Variants in FUT8 observed in about 807,000 individuals in gnomAD.
The protein encoded by FUT8 is fucosyltransferase 8, also known as alpha-(1,6)-fucosyltransferase.
A neutral mutation model predicts 71.3 loss-of-function variants in FUT8; 29 were observed. The observed-to-expected ratio is 0.41, with a 90% CI of 0.30 to 0.55. FUT8 has a LOEUF of 0.55. Among genes scored for constraint, FUT8 ranks in the 20% least tolerant of loss-of-function variants. The pLI is 0.34. For synonymous variants in FUT8, 254 were observed against 239.3 expected (o/e 1.06, Z -0.57); for missense variants, 544 against 702.1 (o/e 0.77, Z 2.55).
chr14:65,594,889 T>C (rs1281986758), intron 3 of FUT8, among the ~76,000 whole-genome samples: 1 of 152,084 alleles, frequency 6.6e-6, no homozygotes, highest in Non-Finnish European at 1.5e-5. Context: ...GAATGGGGGT[T>C]GGGACGGGCC....
chr14:65,385,709 T>G, the FUT8 span, among the ~76,000 whole-genome samples: 1 of 152,172 alleles, frequency 6.6e-6, no homozygotes, highest in Non-Finnish European at 1.5e-5. Context: ...ATTGTATTTT[T>G]CTTTGTCTTT....
At chr14:65,508,357 A>G (rs1019732209) in intron 2 of FUT8, among the ~76,000 whole-genome samples, 3 of 151,502 alleles carry the variant, frequency 2.0e-5, no homozygotes, top group African/African-American at 7.3e-5. Flanking sequence ...GGCGTGAGCC[A>G]CTGTGCCCGG....
At chr14:65,618,014 T>TAG (rs1193485628) in intron 5 of FUT8, among the ~76,000 whole-genome samples, 1 of 28,040 alleles carries the variant, frequency 3.6e-5, no homozygotes, top group Non-Finnish European at 5.8e-5. Flanking sequence ...TTAATTCATA[T>TAG]ATATATATAT....
At chr14:65,534,154 C>T (rs191364306) in intron 2 of FUT8, among the ~76,000 whole-genome samples, 1 of 151,956 alleles carries the variant, frequency 6.6e-6, no homozygotes, top group Admixed American at 6.6e-5. Flanking sequence ...GCCAGGGTCT[C>T]ACTTTGTCAC....
At chr14:65,387,189 CTTAAAT>C in the FUT8 span, among the ~76,000 whole-genome samples, 1 of 152,056 alleles carries the variant, frequency 6.6e-6, no homozygotes, top group Non-Finnish European at 1.5e-5. Context: ...TATTTTGACA[CTTAAAT>C]TTAAGTGACT....
At chr14:65,500,912 A>G (rs74056800) in intron 2 of FUT8, among the ~76,000 whole-genome samples, 2,380 of 152,256 alleles carry the variant, frequency 0.016, 52 homozygotes, top group East Asian at 0.093. Context: ...ATTTGTTTCA[A>G]TATATTCCTT....
rs144610276 is a variant in FUT8, at chr14:65,578,188, C to G, written c.203+16422C>G. On this transcript the variant is annotated intron_variant, in intron 3 of 10. Coordinates refer to ENST00000673929, the MANE Select transcript of FUT8 (RefSeq NM_001371533.1). The stretch of plus-strand genomic sequence containing the variant: ...GAGCTGAGGGACTTGATTAAACATT[C>G]TTTATATTTTATTCTTTTACCCGAC... Among the ~76,000 whole-genome samples the G allele has an allele frequency of 2.3e-3, 344 of 151,992 alleles. 2 individuals carry two copies. Among genetic ancestry groups the G allele is most frequent in the Non-Finnish European group, 2.8e-3 (193 of 67,934 alleles).
At chr14:65,570,806 C>T (rs951209118) in intron 3 of FUT8, among the ~76,000 whole-genome samples, 3 of 152,218 alleles carry the variant, frequency 2.0e-5, no homozygotes, top group East Asian at 1.9e-4. Flanking sequence ...TCCTAGTGGA[C>T]GAACTGTAAC....
At chr14:65,558,054 G>T (rs546309656) in intron 2 of FUT8, among the ~76,000 whole-genome samples, 1 of 151,794 alleles carries the variant, frequency 6.6e-6, no homozygotes, top group Non-Finnish European at 1.5e-5. Context: ...CTCTTGGCTG[G>T]GTGTGGTGGC....
intron 1 of FUT8, among the ~76,000 whole-genome samples, chr14:65,434,023 T>C (rs1314258841): frequency 6.6e-6 from 1 of 152,218 alleles, no homozygotes; most frequent in African/African-American, 2.4e-5. Context: ...AATATCTTGA[T>C]ATTAGTAGCC....
chr14:65,460,348 A>G (rs1474985679), intron 2 of FUT8, among the ~76,000 whole-genome samples: 1 of 152,248 alleles, frequency 6.6e-6, no homozygotes, highest in East Asian at 1.9e-4. Flanking sequence ...TTTGCTGTCC[A>G]GGATAATTAA....
intron 2 of FUT8, among the ~76,000 whole-genome samples, chr14:65,543,523 G>T (rs1375373089): frequency 6.6e-6 from 1 of 152,062 alleles, no homozygotes; most frequent in African/African-American, 2.4e-5. Context: ...GAGAATAATG[G>T]AAGAGGGTGA....
intron 3 of FUT8, among the ~76,000 whole-genome samples, chr14:65,595,078 T>G (rs758625537): frequency 1.6e-4 from 25 of 152,160 alleles, no homozygotes; most frequent in Non-Finnish European, 3.5e-4. Flanking sequence ...CTAGAGTGTC[T>G]CTGCCTCCTC....
chr14:65,494,239 T>A (rs1043748403), intron 2 of FUT8, among the ~76,000 whole-genome samples: 1 of 152,174 alleles, frequency 6.6e-6, no homozygotes, highest in South Asian at 2.1e-4. Context: ...TTTCAACAAC[T>A]AATCAATATA....
intron 2 of FUT8, among the ~76,000 whole-genome samples, chr14:65,499,358 TG>T (rs1487716174): frequency 6.6e-6 from 1 of 152,196 alleles, no homozygotes; most frequent in Non-Finnish European, 1.5e-5. Context: ...AATTATTTTG[TG>T]GTTAAGTAGA....
intron 6 of FUT8, among the ~76,000 whole-genome samples, chr14:65,650,865 G>A (rs943312017): frequency 2.6e-5 from 4 of 152,106 alleles, no homozygotes; most frequent in Non-Finnish European, 4.4e-5. Flanking sequence ...GGAAAAAAAA[G>A]CCCCATTTTA....
chr14:65,544,616 G>A (rs1884878063), intron 2 of FUT8, among the ~76,000 whole-genome samples: 1 of 152,092 alleles, frequency 6.6e-6, no homozygotes. Context: ...AGTAAACACA[G>A]CCTGGTGTGT....
the FUT8 span, among the ~76,000 whole-genome samples, chr14:65,393,667 T>C: frequency 6.6e-6 from 1 of 152,188 alleles, no homozygotes; most frequent in Non-Finnish European, 1.5e-5. Context: ...TGGCATCTCT[T>C]TATAGTGGGA....
rs1314840902 is a variant in FUT8, at chr14:65,625,926, G to A, written c.483-3566G>A. Among the ~76,000 whole-genome samples the A allele has an allele frequency of 2.0e-5, 3 of 152,190 alleles. No individual in the cohort carries two copies. In the South Asian group the frequency reaches 6.2e-4, roughly 32 times the overall value. ...CATTGCATTTTTGCTAAATAATTTA[G>A]CATCTAGTTAAGAATCAGGAATAAA... On this transcript the variant is annotated intron_variant, in intron 5 of 10. Transcript: ENST00000673929.
Sources: gnomAD v4.1 joint callset for allele counts (sites outside exome capture counted in the v4.1 genomes callset) on GRCh38, gnomAD v4.1.1 for gene constraint, MANE v1.5 for transcripts, NCBI Gene and HGNC (gene_info 2026-07-23, HGNC 2026-07-21) for gene names.